The following DLG2 variants were observed in gnomAD, a reference collection of about 807,000 sequenced individuals.
DLG2 encodes discs large MAGUK scaffold protein 2, also known as disks large homolog 2.
A neutral mutation model predicts 132.5 loss-of-function variants in DLG2; 45 were observed. The ratio of observed to expected loss-of-function variants is 0.34; its 90% CI spans 0.27 to 0.44. The LOEUF is 0.44. Ranked by LOEUF, DLG2 falls within the 20% of genes least tolerant of loss-of-function variation. The pLI, the probability that DLG2 is intolerant of heterozygous loss-of-function variation, is 1.00. For missense variants in DLG2, 1,045 were observed against 1,196.9 expected (o/e 0.87, Z 1.87); for synonymous variants, 424 against 419.6 (o/e 1.01, Z -0.13).
rs2099343755 is a variant in DLG2 at position 84,532,031 on chromosome 11, G to C, written c.519+2539C>G. Among the ~76,000 whole-genome samples, 4 of 150,950 alleles carry C rather than the reference G, an allele frequency of 2.6e-5. No individual in the cohort carries two copies. The South Asian group carries it at 8.3e-4, about 32-fold the overall frequency. Reference sequence around the variant, plus strand: ...TGATGGTGCAATCACCAAAACAGCAGATGTTCAGATAATTATATTATCATG... The same window carrying C: ...TGATGGTGCAATCACCAAAACAGCACATGTTCAGATAATTATATTATCATG... On this transcript the variant is annotated intron_variant, in intron 7 of 27. Coordinates refer to ENST00000376104, the MANE Select transcript of DLG2 (RefSeq NM_001142699.3).
intron 11 of DLG2, among the ~76,000 whole-genome samples, chr11:84,051,706 T>C (rs1327691424): frequency 6.6e-6 from 1 of 150,970 alleles, no homozygotes; most frequent in Admixed American, 6.6e-5. Flanking sequence ...CACACCAACA[T>C]GGCACATGTA....
At chr11:84,584,674 C>CTTTTTTT (rs71036428) in intron 6 of DLG2, among the ~76,000 whole-genome samples, 5 of 55,774 alleles carry the variant, frequency 9.0e-5, no homozygotes, top group Non-Finnish European at 1.5e-4. Flanking sequence ...CCCAGCATTC[C>CTTTTTTT]TTTTTTTTTT....
intron 21 of DLG2, among the ~76,000 whole-genome samples, chr11:83,512,726 C>T (rs921687594): frequency 6.6e-6 from 1 of 151,636 alleles, no homozygotes; most frequent in Admixed American, 6.6e-5. Flanking sequence ...TGTTCCCTTT[C>T]CTGTGTCCAT....
At chr11:83,654,390 A>G (rs1370954800) in intron 18 of DLG2, among the ~76,000 whole-genome samples, 1 of 152,186 alleles carries the variant, frequency 6.6e-6, no homozygotes, top group Non-Finnish European at 1.5e-5. Context: ...GTGTTTTCAG[A>G]GCATACCTTG....
chr11:85,301,948 GTTA>G (rs1365301193), intron 3 of DLG2, among the ~76,000 whole-genome samples: 1 of 152,180 alleles, frequency 6.6e-6, no homozygotes, highest in African/African-American at 2.4e-5. Flanking sequence ...TTCTCTCTGT[GTTA>G]TTATTTCCTT....
At chr11:85,238,954 T>C (rs1468638171) in intron 4 of DLG2, among the ~76,000 whole-genome samples, 1 of 152,046 alleles carries the variant, frequency 6.6e-6, no homozygotes, top group Non-Finnish European at 1.5e-5. Context: ...TTCTTTATAA[T>C]GTCATGACTT....
intron 3 of DLG2, among the ~76,000 whole-genome samples, chr11:85,584,842 G>A (rs2078862094): frequency 1.3e-5 from 2 of 152,184 alleles, no homozygotes; most frequent in East Asian, 1.9e-4. Flanking sequence ...ACCTTTTGAT[G>A]GGATTACTTG....
intron 15 of DLG2, among the ~76,000 whole-genome samples, chr11:83,914,272 C>G (rs1457787810): frequency 1.3e-5 from 2 of 152,118 alleles, no homozygotes; most frequent in Non-Finnish European, 2.9e-5. Flanking sequence ...TCTCCCTTCT[C>G]TCTTGCTCTC....
intron 3 of DLG2, among the ~76,000 whole-genome samples, chr11:85,478,164 G>A (rs1216667369): frequency 6.6e-6 from 1 of 151,944 alleles, no homozygotes; most frequent in Non-Finnish European, 1.5e-5. Context: ...TTGTCACCAT[G>A]CCCTACTAAC....
At chr11:83,725,168 A>C in intron 18 of DLG2, 1 of 418,060 alleles carries the variant, frequency 2.4e-6, no homozygotes, top group Non-Finnish European at 4.3e-6. Context: ...TATCTCACTC[A>C]CCTCTTTTTC....
chr11:84,243,430 T>C (rs1336746443), intron 8 of DLG2, among the ~76,000 whole-genome samples: 1 of 152,186 alleles, frequency 6.6e-6, no homozygotes, highest in Non-Finnish European at 1.5e-5. Context: ...GATGTGTATA[T>C]GTTTAAAGTA....
chr11:84,321,463 T>C (rs949076152), intron 7 of DLG2, among the ~76,000 whole-genome samples: 5 of 152,208 alleles, frequency 3.3e-5, no homozygotes, highest in African/African-American at 1.2e-4. Flanking sequence ...TTGGATGGTC[T>C]TTAATCATGA....
chr11:85,314,404 G>C (rs2080510736), intron 3 of DLG2, among the ~76,000 whole-genome samples: 1 of 151,770 alleles, frequency 6.6e-6, no homozygotes, highest in South Asian at 2.1e-4. Context: ...CAAAAATAGA[G>C]AGGATCATAT....
At chr11:84,904,034 G>A (rs970831921) in intron 6 of DLG2, among the ~76,000 whole-genome samples, 1 of 152,108 alleles carries the variant, frequency 6.6e-6, no homozygotes, top group South Asian at 2.1e-4. Context: ...CGTAAGAAGT[G>A]AATCAACACT....
chr11:84,298,609 G>T (rs752579732), intron 7 of DLG2, among the ~76,000 whole-genome samples: 2 of 152,214 alleles, frequency 1.3e-5, no homozygotes, highest in Non-Finnish European at 2.9e-5. Flanking sequence ...TAATACGATA[G>T]TTGAAACAGA....
chr11:85,119,656 G>C (rs181983397), intron 5 of DLG2, among the ~76,000 whole-genome samples: 1 of 151,952 alleles, frequency 6.6e-6, no homozygotes, highest in African/African-American at 2.4e-5. Context: ...AAACATAAAA[G>C]ACTGTAACTT....
chr11:85,377,826 T>C (rs139426709), intron 3 of DLG2, among the ~76,000 whole-genome samples: 4,680 of 148,450 alleles, frequency 0.032, 116 homozygotes, highest in Admixed American at 0.044. Flanking sequence ...TGTGTGTGTA[T>C]ACATATATAT....
intron 2 of DLG2, among the ~76,000 whole-genome samples, chr11:85,599,534 G>T (rs1180892848): frequency 1.3e-5 from 2 of 152,164 alleles, no homozygotes; most frequent in African/African-American, 4.8e-5. Context: ...CTAGCTGTGT[G>T]TGACCTTTAA....
intron 8 of DLG2, among the ~76,000 whole-genome samples, chr11:84,198,891 T>G (rs563555078): frequency 1.7e-4 from 26 of 152,112 alleles, no homozygotes; most frequent in Non-Finnish European, 3.2e-4. Flanking sequence ...ACAGCAGCTT[T>G]CAGGGGCAAA....
Sources: allele counts gnomAD v4.1 joint callset (sites outside exome capture counted in the v4.1 genomes callset), GRCh38; gene constraint gnomAD v4.1.1; transcripts MANE v1.5; gene names NCBI Gene and HGNC (gene_info 2026-07-23, HGNC 2026-07-21).